CNTNAP2: variants seen among roughly 807,000 people sequenced by gnomAD.
CNTNAP2 encodes contactin associated protein 2, also known as contactin-associated protein-like 2.
A neutral mutation model predicts 155.2 loss-of-function variants in CNTNAP2; 98 were observed. That is an observed-to-expected ratio of 0.63 (90% CI 0.54 to 0.75). CNTNAP2 has a LOEUF of 0.75. Ranked by LOEUF, CNTNAP2 falls within the 30% of genes least tolerant of loss-of-function variation. CNTNAP2 has a pLI of 0.00. For missense variants in CNTNAP2, 1,727 were observed against 1,688.1 expected, an observed-to-expected ratio of 1.02 and a Z score of -0.40; for synonymous variants, 651 against 631.2, an observed-to-expected ratio of 1.03 and a Z score of -0.47.
chr7:146,808,558 A>G (rs1179933182), intron 2 of CNTNAP2, among the ~76,000 whole-genome samples: 1 of 152,186 alleles, frequency 6.6e-6, no homozygotes, highest in African/African-American at 2.4e-5. Flanking sequence ...AATATACTCA[A>G]GGAGTACAAT....
At chr7:146,537,773 G>T (rs1584970679) in intron 1 of CNTNAP2, among the ~76,000 whole-genome samples, 1 of 152,068 alleles carries the variant, frequency 6.6e-6, no homozygotes, top group East Asian at 1.9e-4. Context: ...GCATTCATTG[G>T]CCAGGTTTGA....
At chr7:148,290,269 T>TA (rs200617216) in intron 21 of CNTNAP2, among the ~76,000 whole-genome samples, 1,693 of 152,322 alleles carry the variant, frequency 0.011, 36 homozygotes, top group African/African-American at 0.038. Flanking sequence ...TCTTGTTTTT[T>TA]AAAAAATCAT....
chr7:147,220,362 G>T (rs1478873230), intron 8 of CNTNAP2, among the ~76,000 whole-genome samples: 1 of 152,094 alleles, frequency 6.6e-6, no homozygotes, highest in Non-Finnish European at 1.5e-5. Context: ...ATCTACACGT[G>T]TCTTTATATT....
intron 8 of CNTNAP2, among the ~76,000 whole-genome samples, chr7:147,143,178 T>C (rs1584752757): frequency 6.6e-6 from 1 of 152,134 alleles, no homozygotes; most frequent in Non-Finnish European, 1.5e-5. Context: ...GCAGTTTCCT[T>C]GCTCTTCTCT....
At chr7:147,407,033 A>C (rs2116478982) in intron 10 of CNTNAP2, among the ~76,000 whole-genome samples, 1 of 152,344 alleles carries the variant, frequency 6.6e-6, no homozygotes, top group African/African-American at 2.4e-5. Context: ...CAAGAAACTT[A>C]TCTTCATGAA....
At chr7:148,114,903 GAGCC>G (rs1328409891) in intron 15 of CNTNAP2, among the ~76,000 whole-genome samples, 2 of 152,202 alleles carry the variant, frequency 1.3e-5, no homozygotes, top group African/African-American at 2.4e-5. Flanking sequence ...GGCACCTCCT[GAGCC>G]GCACTCCTAC....
chr7:146,532,775 G>C (rs997689707), intron 1 of CNTNAP2, among the ~76,000 whole-genome samples: 2 of 151,942 alleles, frequency 1.3e-5, no homozygotes, highest in Non-Finnish European at 2.9e-5. Context: ...ACAAGGAAAA[G>C]GTCATAGAGG....
chr7:148,348,549 C>G (rs914385184), intron 21 of CNTNAP2, among the ~76,000 whole-genome samples: 4 of 152,110 alleles, frequency 2.6e-5, no homozygotes, highest in African/African-American at 9.7e-5. Flanking sequence ...CAGGCCCTCA[C>G]GGAGGACGAG....
chr7:148,130,475 C>G (rs1804806874), intron 16 of CNTNAP2, among the ~76,000 whole-genome samples: 1 of 152,204 alleles, frequency 6.6e-6, no homozygotes, highest in Admixed American at 6.5e-5. Flanking sequence ...TCCCTCTATC[C>G]TGATAACCAC....
intron 1 of CNTNAP2, among the ~76,000 whole-genome samples, chr7:146,765,140 C>T (rs1802172555): frequency 6.6e-6 from 1 of 152,112 alleles, no homozygotes; most frequent in Non-Finnish European, 1.5e-5. Context: ...AGCTAACTGA[C>T]AGTAGTCAAT....
rs369913388 is a variant in CNTNAP2 at position 147,956,537 on chromosome 7, C to T, written c.2256-21325C>T. Among the ~76,000 whole-genome samples the T allele has an allele frequency of 1.5e-3, 231 of 152,252 alleles. 1 individual carries two copies. Among genetic ancestry groups the T allele is most frequent in the African/African-American group, 5.2e-3 (217 of 41,548 alleles). ...AGCTTCACTGTGTTCAGCCTTCTGC[C>T]GCTGACACCCTTGCCTGAAGACACA... On this transcript the variant is annotated intron_variant, in intron 14 of 23. Transcript: ENST00000361727.
intron 13 of CNTNAP2, among the ~76,000 whole-genome samples, chr7:147,650,323 G>T (rs752141626): frequency 4.6e-5 from 7 of 152,096 alleles, no homozygotes; most frequent in Non-Finnish European, 8.8e-5. Flanking sequence ...AAAATATTTA[G>T]CTGGGTGCTA....
At chr7:146,429,497 G>A (rs1584921464) in intron 1 of CNTNAP2, among the ~76,000 whole-genome samples, 1 of 152,058 alleles carries the variant, frequency 6.6e-6, no homozygotes, top group East Asian at 1.9e-4. Flanking sequence ...AGTTGTGAAC[G>A]GGAGTTCATT....
intron 3 of CNTNAP2, among the ~76,000 whole-genome samples, chr7:146,991,154 A>G (rs1028120081): frequency 2.0e-5 from 3 of 152,302 alleles, no homozygotes; most frequent in Non-Finnish European, 2.9e-5. Context: ...AATTAGATCT[A>G]GCCCAGTCTG....
chr7:146,885,856 G>A (rs1329329147), intron 3 of CNTNAP2, among the ~76,000 whole-genome samples: 1 of 151,896 alleles, frequency 6.6e-6, no homozygotes, highest in Non-Finnish European at 1.5e-5. Flanking sequence ...TCAATAATAT[G>A]TGAGTGTATT....
At chr7:146,279,796 A>G (rs1397584547) in intron 1 of CNTNAP2, among the ~76,000 whole-genome samples, 1 of 151,814 alleles carries the variant, frequency 6.6e-6, no homozygotes, top group Admixed American at 6.6e-5. Flanking sequence ...TTAAAAAATA[A>G]TATGCATAAT....
chr7:147,280,167 AAAG>A (rs1584841784), intron 8 of CNTNAP2, among the ~76,000 whole-genome samples: 1 of 151,972 alleles, frequency 6.6e-6, no homozygotes, highest in Non-Finnish European at 1.5e-5. Context: ...CTGTTTAAAC[AAAG>A]AAGAAAATCA....
At chr7:147,478,455 T>A (rs1042987345) in intron 10 of CNTNAP2, among the ~76,000 whole-genome samples, 22 of 152,268 alleles carry the variant, frequency 1.4e-4, no homozygotes, top group South Asian at 2.1e-4. Context: ...GCCTGGCCTA[T>A]TTGTTGTTAT....
chr7:146,714,941 C>T (rs1309055732), intron 1 of CNTNAP2, among the ~76,000 whole-genome samples: 2 of 152,048 alleles, frequency 1.3e-5, no homozygotes, highest in Non-Finnish European at 2.9e-5. Context: ...TTTTCATCTG[C>T]AAAACAGGAT....
Sources: gnomAD v4.1 joint callset for allele counts (sites outside exome capture counted in the v4.1 genomes callset) on GRCh38, gnomAD v4.1.1 for gene constraint, MANE v1.5 for transcripts, NCBI Gene and HGNC (gene_info 2026-07-23, HGNC 2026-07-21) for gene names.